The following KATNIP variants were observed in gnomAD, a reference collection of about 807,000 sequenced individuals.
KATNIP encodes the protein katanin-interacting protein.
Under a neutral mutation model 174.0 loss-of-function variants are expected in KATNIP, and 126 were observed. The observed-to-expected ratio is 0.72, with a 90% confidence interval of 0.63 to 0.84. KATNIP has a LOEUF of 0.84. Ranked by LOEUF, KATNIP falls within the 40% of genes least tolerant of loss-of-function variation. The pLI is 0.00. For synonymous variants in KATNIP, 810 were observed against 835.7 expected, an observed-to-expected ratio of 0.97 and a Z score of 0.53; for missense variants, 1,958 against 2,109.7, an observed-to-expected ratio of 0.93 and a Z score of 1.41.
chr16:27,567,261 A>T (rs2090127179), intron 1 of KATNIP, among the ~76,000 whole-genome samples: 1 of 152,206 alleles, frequency 6.6e-6, no homozygotes, highest in African/African-American at 2.4e-5. Flanking sequence ...CATTTAAATC[A>T]GCCTTTGGAC....
At chr16:27,679,749 CAAAA>C (rs60190438) in intron 7 of KATNIP, among the ~76,000 whole-genome samples, 2,847 of 55,728 alleles carry the variant, frequency 0.051, 106 homozygotes, top group African/African-American at 0.15. Flanking sequence ...GAGACCCTCT[CAAAA>C]AAAAAAAAAA....
intron 1 of KATNIP, among the ~76,000 whole-genome samples, chr16:27,568,722 C>T (rs2090177965): frequency 6.6e-6 from 1 of 152,086 alleles, no homozygotes; most frequent in Non-Finnish European, 1.5e-5. Flanking sequence ...CCGGGCCTCC[C>T]AAAGTGCTGG....
intron 6 of KATNIP, among the ~76,000 whole-genome samples, chr16:27,666,392 T>TTTTTGTTTTGTTTTG (rs56799945): frequency 3.5e-4 from 53 of 149,510 alleles, no homozygotes; most frequent in South Asian, 2.2e-3. Context: ...GGGGAATGAG[T>TTTTTGTTTTGTTTTG]TTTTGTTTTG....
intron 1 of KATNIP, among the ~76,000 whole-genome samples, chr16:27,554,248 A>G (rs1394542831): frequency 6.6e-6 from 1 of 152,160 alleles, no homozygotes; most frequent in East Asian, 1.9e-4. Context: ...CGATCACCTG[A>G]GGTCGGGAGT....
chr16:27,592,270 C>CTTTTTTTTTTTTTTTTTTTTTTT (rs71137799), intron 2 of KATNIP, among the ~76,000 whole-genome samples: 1 of 44,780 alleles, frequency 2.2e-5, no homozygotes, highest in African/African-American at 9.3e-5. Context: ...GCATATATTA[C>CTTTTTTTTTTTTTTTTTTTTTTT]TTTTTTTTTT....
chr16:27,576,545 G>T (rs957562471), intron 2 of KATNIP, among the ~76,000 whole-genome samples: 5 of 152,138 alleles, frequency 3.3e-5, no homozygotes, highest in Middle Eastern at 3.4e-3. Flanking sequence ...GAAGGCCAAG[G>T]TGGGTGGATT....
rs574500960 is a variant in KATNIP at position 27,567,878 on chromosome 16, C to T, written c.8-6023C>T. Among the ~76,000 whole-genome samples the T allele has an allele frequency of 2.0e-4, 31 of 152,264 alleles. No homozygotes were observed. In the South Asian group the frequency reaches 5.0e-3, roughly 24 times the overall value. Reference sequence around the variant, plus strand: ...ACTCAGGAGGCTAAGGTGGGAGGATCGTTTGTGCCCAGCAGTTCCAGGCTG... The same window carrying T: ...ACTCAGGAGGCTAAGGTGGGAGGATTGTTTGTGCCCAGCAGTTCCAGGCTG... On this transcript the variant is annotated intron_variant, in intron 1 of 27. Transcript: ENST00000261588.
intron 13 of KATNIP, among the ~76,000 whole-genome samples, chr16:27,711,275 A>G (rs1451388616): frequency 6.6e-6 from 1 of 152,074 alleles, no homozygotes; most frequent in Non-Finnish European, 1.5e-5. Flanking sequence ...CTTTTCTCAG[A>G]CTTGAGGTTC....
In KATNIP at chr16:27,777,770, G is replaced by T; in HGVS notation, c.4712G>T (p.Ser1571Ile). The change falls in exon 26 of 28, where the codon AGT (serine) becomes ATT (isoleucine). Residue 1571 changes from serine to isoleucine, a missense_variant and splice_region_variant. Ser to Ile is a moderately radical substitution (Grantham distance 142). Coordinates refer to ENST00000261588, the MANE Select transcript of KATNIP (RefSeq NM_015202.5). This position sits in a 1 kb window ranked among gnomAD's most constrained non-coding sequence, Gnocchi z 4.4. The stretch of plus-strand genomic sequence containing the variant: ...CACCAGGAGAAACACACCACCATCA[G>T]GTAGGGCCCCAGCCGGCCCCATGGC... ...IRHQEKHTTI[S>I]NQAEDQDVQM... 1 of 1,613,516 alleles carries T rather than the reference G, an allele frequency of 6.2e-7. No individual in the cohort carries two copies. The highest frequency in any genetic ancestry group is 8.5e-7 in the Non-Finnish European group (1 of 1,179,650).
At chr16:27,593,207 G>T in intron 2 of KATNIP, among the ~76,000 whole-genome samples, 1 of 150,088 alleles carries the variant, frequency 6.7e-6, no homozygotes, top group Non-Finnish European at 1.5e-5. Flanking sequence ...AGCCAGATCT[G>T]CCCTAAACCC....
At chr16:27,697,154 C>T (rs185180845) in intron 8 of KATNIP, among the ~76,000 whole-genome samples, 1,536 of 152,194 alleles carry the variant, frequency 0.01, 19 homozygotes, top group Non-Finnish European at 0.015. Flanking sequence ...GATTTATATT[C>T]CTTTGGGTAT....
At position 27,602,852 on chromosome 16, in the gene KATNIP, C is replaced by G. The variant is rs534875221; in HGVS notation, c.64-15573C>G. Among the ~76,000 whole-genome samples the G allele has an allele frequency of 1.4e-4, 21 of 152,304 alleles. No individual in the cohort carries two copies. The South Asian group carries it at 3.1e-3, about 23-fold the overall frequency. ...TAGCTGTGATTACAGGCGCCCACCA[C>G]CACACCCGGCTAATTTTTGTATTTT... On this transcript the variant is annotated intron_variant, in intron 2 of 27. Transcript: ENST00000261588.
At chr16:27,707,703 G>A (rs539725321) in intron 12 of KATNIP, among the ~76,000 whole-genome samples, 8 of 152,334 alleles carry the variant, frequency 5.3e-5, no homozygotes, top group East Asian at 3.9e-4. Context: ...TCACAATTCC[G>A]AAGGCTGGAA....
Position 27,777,135 on chromosome 16 carries a change from C to T in KATNIP, c.4551+106C>T. 1.3e-6 allele frequency: 1 copy of T among 763,134 alleles called. No homozygotes were observed. Among genetic ancestry groups the T allele is most frequent in the Non-Finnish European group, 2.3e-6 (1 of 437,856 alleles). 47.3% of individuals were successfully genotyped at this position (763,134 alleles called of 1,614,324 possible). On this transcript the variant is annotated intron_variant, in intron 25 of 27. Coordinates refer to ENST00000261588, the MANE Select transcript of KATNIP (RefSeq NM_015202.5). The surrounding 1 kb of genome is among the most constrained non-coding windows in gnomAD (Gnocchi z 4.4). ...TTTGATTTACTTCTCTCTGTTGCAA[C>T]CCTCAACACAAATGCCTGGTCGTCA...
intron 19 of KATNIP, among the ~76,000 whole-genome samples, chr16:27,765,814 A>G (rs1199282300): frequency 6.6e-6 from 1 of 152,218 alleles, no homozygotes; most frequent in Non-Finnish European, 1.5e-5. Context: ...CAGTGTCCTC[A>G]TGATGGCACC....
intron 6 of KATNIP, among the ~76,000 whole-genome samples, chr16:27,665,198 G>A (rs1389321137): frequency 6.6e-6 from 1 of 151,406 alleles, no homozygotes; most frequent in Non-Finnish European, 1.5e-5. Context: ...GCACCTCCTG[G>A]GTTCAAGCAA....
intron 15 of KATNIP, among the ~76,000 whole-genome samples, chr16:27,745,495 G>A (rs1354660577): frequency 1.3e-5 from 2 of 152,242 alleles, no homozygotes; most frequent in East Asian, 3.8e-4. Context: ...TCTCAGGGGA[G>A]AAGCCAATTG....
rs537855543 is a variant in KATNIP at position 27,776,747 on chromosome 16, C to G, written c.4450-181C>G. On this transcript the variant is annotated intron_variant, in intron 24 of 27. Coordinates refer to ENST00000261588, the MANE Select transcript of KATNIP (RefSeq NM_015202.5). The surrounding 1 kb of genome is among the most constrained non-coding windows in gnomAD (Gnocchi z 4.7). ...GCGGTTTGTTGCAAATGCAGCCACA[C>G]GTGACCTGACTCAAGATGGGCTTCG... The G allele has an allele frequency of 5.0e-6, 3 of 603,650 alleles. No homozygotes were observed. The highest frequency in any genetic ancestry group is 5.9e-6 in the Non-Finnish European group (2 of 336,224). 37.4% of individuals were successfully genotyped at this position (603,650 alleles called of 1,614,324 possible).
At chr16:27,592,789 A>AG (rs913106108) in intron 2 of KATNIP, among the ~76,000 whole-genome samples, 1 of 152,172 alleles carries the variant, frequency 6.6e-6, no homozygotes, top group Non-Finnish European at 1.5e-5. Flanking sequence ...TCCTGACCTC[A>AG]GGTGATCCAC....
Sources: gnomAD v4.1 joint callset for allele counts (sites outside exome capture counted in the v4.1 genomes callset) on GRCh38, gnomAD v4.1.1 for gene constraint, Gnocchi (gnomAD v3.1) non-coding constraint, MANE v1.5 for transcripts, NCBI Gene and HGNC (gene_info 2026-07-23, HGNC 2026-07-21) for gene names.